Variants in MYRIP observed in about 807,000 individuals in gnomAD.
The protein encoded by MYRIP is rab effector MyRIP.
Under a neutral mutation model 98.0 loss-of-function variants are expected in MYRIP, and 49 were observed. That is an observed-to-expected ratio of 0.50 (90% CI 0.40 to 0.63). MYRIP has a LOEUF of 0.63. MYRIP is among the 30% of genes least tolerant of loss of function. The pLI, the probability that MYRIP is intolerant of heterozygous loss-of-function variation, is 0.00. For synonymous variants in MYRIP, 404 were observed against 409.5 expected (o/e 0.99, Z 0.16); for missense variants, 1,004 against 1,058.2 (o/e 0.95, Z 0.71).
chr3:40,181,826 A>T (rs9871281), intron 8 of MYRIP, among the ~76,000 whole-genome samples: 6,944 of 152,154 alleles, frequency 0.046, 508 homozygotes, highest in African/African-American at 0.15. Flanking sequence ...CTGTGGATGG[A>T]TCATACCTTG....
At chr3:39,839,108 G>A (rs1230896291) in intron 1 of MYRIP, among the ~76,000 whole-genome samples, 1 of 151,804 alleles carries the variant, frequency 6.6e-6, no homozygotes, top group African/African-American at 2.4e-5. Context: ...CTGGCTAGTG[G>A]TCTATTTTGT....
At chr3:40,240,282 C>A (rs897289830) in intron 12 of MYRIP, among the ~76,000 whole-genome samples, 6 of 152,116 alleles carry the variant, frequency 3.9e-5, no homozygotes, top group Non-Finnish European at 8.8e-5. Context: ...TGTTTTGGTA[C>A]CAGTACCATG....
intron 13 of MYRIP, among the ~76,000 whole-genome samples, chr3:40,245,802 C>T (rs1953179666): frequency 7.7e-6 from 1 of 129,782 alleles, no homozygotes; most frequent in African/African-American, 3.2e-5. Flanking sequence ...GGCTGGAGTA[C>T]AGTGGCATGA....
At chr3:39,969,462 CAT>C (rs71091781) in intron 2 of MYRIP, among the ~76,000 whole-genome samples, 41,659 of 151,878 alleles carry the variant, frequency 0.27, 6,359 homozygotes, top group Non-Finnish European at 0.35. Flanking sequence ...GTGGGTTTGT[CAT>C]AGATGGTTCT....
At position 40,008,657 on chromosome 3, in the gene MYRIP, T is replaced by A. The variant is rs116747394; in HGVS notation, c.111-35393T>A. 7.6e-4 allele frequency among the ~76,000 whole-genome samples: 116 copies of A among 152,242 alleles called. 1 individual carries two copies. Among genetic ancestry groups the A allele is most frequent in the African/African-American group, 2.7e-3 (114 of 41,544 alleles). ...AACAGCACTTCAGCAATATTGGTAA[T>A]TATAGCAAGACCCTGCAGGACTCCT... On this transcript the variant is annotated intron_variant, in intron 2 of 16. Transcript: ENST00000302541.
intron 2 of MYRIP, among the ~76,000 whole-genome samples, chr3:39,985,650 G>A (rs13091755): frequency 1.4e-5 from 2 of 145,352 alleles, no homozygotes; most frequent in Admixed American, 6.8e-5. Context: ...CAGAAATAAC[G>A]CTGCATATCT....
At chr3:40,133,751 G>A (rs1355683416) in intron 3 of MYRIP, among the ~76,000 whole-genome samples, 2 of 152,112 alleles carry the variant, frequency 1.3e-5, no homozygotes, top group Non-Finnish European at 2.9e-5. Flanking sequence ...GGGAAAAAAT[G>A]TATGTTTTGA....
chr3:39,931,697 GT>G (rs1478250500), intron 2 of MYRIP, among the ~76,000 whole-genome samples: 1 of 152,010 alleles, frequency 6.6e-6, no homozygotes, highest in Non-Finnish European at 1.5e-5. Flanking sequence ...TGTGGTCTTA[GT>G]TTGTGCTTTT....
intron 2 of MYRIP, among the ~76,000 whole-genome samples, chr3:39,994,756 A>T (rs1946291949): frequency 1.3e-5 from 2 of 152,188 alleles, no homozygotes; most frequent in South Asian, 4.2e-4. Flanking sequence ...TGGGTCCCTG[A>T]CCCCCGAGTA....
At chr3:39,960,183 G>A (rs183168263) in intron 2 of MYRIP, among the ~76,000 whole-genome samples, 2 of 152,024 alleles carry the variant, frequency 1.3e-5, no homozygotes, top group Admixed American at 1.3e-4. Flanking sequence ...AGTGAGTTTG[G>A]CTCTTAGAAA....
At chr3:40,198,014 C>T (rs4676579) in intron 10 of MYRIP, among the ~76,000 whole-genome samples, 125,475 of 151,614 alleles carry the variant, frequency 0.83, 53,078 homozygotes, top group Middle Eastern at 0.95. Context: ...GTATTGAATA[C>T]AGAGATAATG....
At chr3:39,909,818 A>C (rs1454371528) in intron 2 of MYRIP, among the ~76,000 whole-genome samples, 1 of 152,188 alleles carries the variant, frequency 6.6e-6, no homozygotes, top group Non-Finnish European at 1.5e-5. Context: ...ATAGCATTGA[A>C]TAGAGTGTGG....
intron 1 of MYRIP, among the ~76,000 whole-genome samples, chr3:39,883,817 A>T (rs190826238): frequency 1.2e-4 from 19 of 152,234 alleles, no homozygotes; most frequent in African/African-American, 4.6e-4. Flanking sequence ...AAACCAGAAG[A>T]TAGACTATCT....
intron 3 of MYRIP, among the ~76,000 whole-genome samples, chr3:40,077,130 C>T (rs539497080): frequency 1.4e-4 from 21 of 152,194 alleles, no homozygotes; most frequent in African/African-American, 5.1e-4. Context: ...CTGGCGGGTT[C>T]GTGGTCTCGC....
At chr3:40,112,044 A>G (rs1321907402) in intron 3 of MYRIP, among the ~76,000 whole-genome samples, 1 of 152,172 alleles carries the variant, frequency 6.6e-6, no homozygotes, top group Admixed American at 6.6e-5. Flanking sequence ...TGATGCCCTC[A>G]TCCACAGACC....
chr3:39,840,556 T>C (rs1184853114), intron 1 of MYRIP, among the ~76,000 whole-genome samples: 1 of 152,216 alleles, frequency 6.6e-6, no homozygotes, highest in African/African-American at 2.4e-5. Context: ...TTGATGTAGT[T>C]TTTTCATAGT....
intron 1 of MYRIP, among the ~76,000 whole-genome samples, chr3:39,825,488 T>C (rs1313692144): frequency 6.6e-6 from 1 of 152,222 alleles, no homozygotes; most frequent in Non-Finnish European, 1.5e-5. Flanking sequence ...TGTTGATGTG[T>C]TGCATTTATT....
Position 39,945,476 on chromosome 3 carries a change from CA to C in MYRIP, c.110+44565del, listed in dbSNP as rs67748992. Reference sequence around the variant, plus strand: ...TGGGTGACAGAGCAAGACTCCATCTCAAAAAAAAAAAAAAAGAAAAAAGAAA... The same window carrying C: ...TGGGTGACAGAGCAAGACTCCATCTCAAAAAAAAAAAAAAGAAAAAAGAAA... On this transcript the variant is annotated intron_variant, in intron 2 of 16. Transcript: ENST00000302541. 3.1e-3 allele frequency among the ~76,000 whole-genome samples: 201 copies of C among 65,162 alleles called. 1 individual carries two copies. The highest frequency in any genetic ancestry group is 9.8e-3 in the African/African-American group (134 of 13,644). The allele number at this position is 65,162 out of a possible 152,430, so 42.7% of individuals were successfully genotyped here. A position where few individuals can be genotyped will look rare whatever the true frequency, so the allele number is the denominator to read the frequency against.
intron 2 of MYRIP, among the ~76,000 whole-genome samples, chr3:39,925,545 G>C (rs1009476819): frequency 2.0e-5 from 3 of 151,894 alleles, no homozygotes; most frequent in Admixed American, 6.6e-5. Context: ...TGTATACCCA[G>C]TGCTTAGCTC....
Sources: gnomAD v4.1 joint callset for allele counts (sites outside exome capture counted in the v4.1 genomes callset) on GRCh38, gnomAD v4.1.1 for gene constraint, MANE v1.5 for transcripts, NCBI Gene and HGNC (gene_info 2026-07-23, HGNC 2026-07-21) for gene names.